Variants in SLC30A4 observed in about 807,000 individuals in gnomAD.
SLC30A4 encodes solute carrier family 30 member 4, also known as probable proton-coupled zinc antiporter SLC30A4.
SLC30A4 carries 20 observed loss-of-function variants against 41.7 expected under a neutral mutation model. That is an observed-to-expected ratio of 0.48 (90% CI 0.34 to 0.70). The LOEUF is 0.70. Ranked by LOEUF, SLC30A4 falls within the 30% of genes least tolerant of loss-of-function variation. The pLI is 0.01. For synonymous variants in SLC30A4, 181 were observed against 195.9 expected (o/e 0.92, Z 0.64); for missense variants, 441 against 529.3 (o/e 0.83, Z 1.64).
intron 3 of SLC30A4, among the ~76,000 whole-genome samples, chr15:45,491,486 G>A (rs1891809191): frequency 6.6e-6 from 1 of 152,190 alleles, no homozygotes; most frequent in Admixed American, 6.5e-5. Flanking sequence ...CAACACTTTG[G>A]GAGGCTGAGA....
chr15:45,518,998 C>G, intron 2 of SLC30A4, among the ~76,000 whole-genome samples: 1 of 151,902 alleles, frequency 6.6e-6, no homozygotes. Flanking sequence ...GTGGCATGAT[C>G]TCAGCTCACT....
At chr15:45,491,608 T>C (rs1016398646) in intron 3 of SLC30A4, among the ~76,000 whole-genome samples, 8 of 152,330 alleles carry the variant, frequency 5.3e-5, no homozygotes, top group South Asian at 2.1e-4. Context: ...TGTGCCAACG[T>C]TGTAACAAGG....
At chr15:45,517,763 A>G (rs1892531335) in intron 2 of SLC30A4, among the ~76,000 whole-genome samples, 1 of 151,758 alleles carries the variant, frequency 6.6e-6, no homozygotes, top group Non-Finnish European at 1.5e-5. Flanking sequence ...CCTGGCTAAC[A>G]CGGTGAAACC....
At chr15:45,499,624 C>G (rs959400098) in intron 3 of SLC30A4, among the ~76,000 whole-genome samples, 6 of 152,172 alleles carry the variant, frequency 3.9e-5, no homozygotes, top group African/African-American at 1.4e-4. Context: ...GGCATTTCCT[C>G]TTTGTCTGGA....
At chr15:45,514,347 G>C (rs1264551748) in intron 2 of SLC30A4, among the ~76,000 whole-genome samples, 1 of 134,204 alleles carries the variant, frequency 7.5e-6, no homozygotes, top group South Asian at 2.5e-4. Flanking sequence ...GGCAACAAGA[G>C]TGGAACTCTG....
chr15:45,485,541 G>C (rs1319302053), intron 7 of SLC30A4, among the ~76,000 whole-genome samples: 1 of 152,020 alleles, frequency 6.6e-6, no homozygotes, highest in African/African-American at 2.4e-5. Flanking sequence ...AAAAATACCA[G>C]ACATCAGTTA....
At chr15:45,510,186 A>AT (rs1478065657) in intron 3 of SLC30A4, among the ~76,000 whole-genome samples, 1 of 151,644 alleles carries the variant, frequency 6.6e-6, no homozygotes, top group Non-Finnish European at 1.5e-5. Context: ...TTCAAAGAAA[A>AT]TGTACGTAAA....
intron 3 of SLC30A4, among the ~76,000 whole-genome samples, chr15:45,504,307 C>T (rs971182085): frequency 6.6e-6 from 1 of 152,192 alleles, no homozygotes; most frequent in Non-Finnish European, 1.5e-5. Flanking sequence ...TGGGTGAGAA[C>T]CCATTTTCAT....
intron 3 of SLC30A4, among the ~76,000 whole-genome samples, chr15:45,507,904 T>A (rs1256259345): frequency 6.6e-6 from 1 of 152,176 alleles, no homozygotes; most frequent in Non-Finnish European, 1.5e-5. Context: ...GATTCTTGGT[T>A]GTCTATTCAT....
chr15:45,518,859 A>C (rs1248852848), intron 2 of SLC30A4, among the ~76,000 whole-genome samples: 1 of 152,046 alleles, frequency 6.6e-6, no homozygotes, highest in African/African-American at 2.4e-5. Context: ...CACCCAGCCA[A>C]ATTGCTTCAT....
intron 3 of SLC30A4, chr15:45,502,123 C>CA (rs1297850576): frequency 1.5e-5 from 2 of 134,928 alleles, no homozygotes; most frequent in Admixed American, 1.6e-4. Flanking sequence ...TTTTTTGAGA[C>CA]AGAGTCTCAC....
intron 3 of SLC30A4, among the ~76,000 whole-genome samples, chr15:45,506,101 C>T (rs1331787313): frequency 6.6e-6 from 1 of 151,996 alleles, no homozygotes; most frequent in Non-Finnish European, 1.5e-5. Flanking sequence ...CAGTCCCAGT[C>T]CCAGCTACTC....
chr15:45,510,104 A>T (rs182361181), intron 3 of SLC30A4, among the ~76,000 whole-genome samples: 3 of 151,654 alleles, frequency 2.0e-5, no homozygotes, highest in African/African-American at 7.3e-5. Flanking sequence ...CAGTGCAAGA[A>T]GATCACACCA....
chr15:45,522,584 G>C (rs908148256), intron 1 of SLC30A4, 23 bp downstream of exon 1: 1 of 477,754 alleles, frequency 2.1e-6, no homozygotes, highest in Non-Finnish European at 3.7e-6. Flanking sequence ...GCTCCGCGAG[G>C]GGGCGGCACA....
intron 5 of SLC30A4, among the ~76,000 whole-genome samples, chr15:45,488,632 A>G (rs536923201): frequency 2.2e-4 from 33 of 152,300 alleles, no homozygotes; most frequent in Middle Eastern, 3.4e-3. Context: ...AGGCACTACA[A>G]AAGCCAAATA....
intron 3 of SLC30A4, among the ~76,000 whole-genome samples, chr15:45,494,083 A>T (rs904362579): frequency 6.6e-5 from 10 of 152,198 alleles, no homozygotes; most frequent in African/African-American, 2.4e-4. Context: ...CTTTGAGGAT[A>T]TGGTCCAAGT....
At position 45,484,330 on chromosome 15, in the gene SLC30A4, G is replaced by T. The variant is rs1357666783; in HGVS notation, c.*833C>A. 2 of 152,198 alleles carry T rather than the reference G, an allele frequency of 1.3e-5. No homozygotes were observed. The highest frequency in any genetic ancestry group is 2.9e-5 in the Non-Finnish European group (2 of 68,036). The allele number at this position is 152,198 out of a possible 1,614,324, so 9.4% of individuals were successfully genotyped here. ...AGACAATTTCATGAATGATAAAAGT[G>T]ATGTCGGGAAGACATAAACCTGAAA... On this transcript the variant is annotated 3_prime_UTR_variant, in exon 8 of 8. Coordinates refer to ENST00000261867, the MANE Select transcript of SLC30A4 (RefSeq NM_013309.6).
chr15:45,496,201 A>G (rs535992816), intron 3 of SLC30A4, among the ~76,000 whole-genome samples: 1 of 152,342 alleles, frequency 6.6e-6, no homozygotes, highest in Admixed American at 6.5e-5. Context: ...ATTTGAATAC[A>G]TTAAGCTTTG....
chr15:45,514,369 A>C (rs1006353641), intron 2 of SLC30A4, among the ~76,000 whole-genome samples: 10 of 151,550 alleles, frequency 6.6e-5, no homozygotes, highest in Admixed American at 2.0e-4. Flanking sequence ...CTCAAAAAAA[A>C]AAAAAAAAAA....
Sources: allele counts gnomAD v4.1 joint callset (sites outside exome capture counted in the v4.1 genomes callset), GRCh38; gene constraint gnomAD v4.1.1; transcripts MANE v1.5; gene names NCBI Gene and HGNC (gene_info 2026-07-23, HGNC 2026-07-21).